Variants in USP9X observed in about 807,000 individuals in gnomAD.
USP9X encodes ubiquitin carboxyl-terminal hydrolase 9X.
USP9X carries 7 observed loss-of-function variants against 190.3 expected under a neutral mutation model. The observed-to-expected ratio is 0.04, with a 90% CI of 0.02 to 0.07. The LOEUF is 0.07. Ranked by LOEUF, USP9X falls within the 10% of genes least tolerant of loss-of-function variation. USP9X has a pLI of 1.00. For synonymous variants in USP9X, 645 were observed against 659.5 expected, an observed-to-expected ratio of 0.98 and a Z score of 0.34; for missense variants, 1,010 against 1,916.9, an observed-to-expected ratio of 0.53 and a Z score of 8.83.
chrX:41,091,661 C>G (rs193159770), intron 1 of USP9X, among the ~76,000 whole-genome samples: 29 of 111,758 alleles, frequency 2.6e-4, no homozygotes, highest in African/African-American at 9.1e-4. Flanking sequence ...ACTTTTCTTA[C>G]TAATCTCATT....
At chrX:41,222,776 C>T (rs1487271370) in intron 38 of USP9X, among the ~76,000 whole-genome samples, 1 of 110,935 alleles carries the variant, frequency 9.0e-6, no homozygotes, top group Admixed American at 9.7e-5. Flanking sequence ...ATTAGCTGGG[C>T]ATGGTACGTG....
At chrX:41,203,315 C>CA (rs2063059866) in intron 31 of USP9X, among the ~76,000 whole-genome samples, 1 of 111,797 alleles carries the variant, frequency 8.9e-6, no homozygotes, top group African/African-American at 3.2e-5. Context: ...TTGCAAAACT[C>CA]AAACTGTAGT....
intron 21 of USP9X, among the ~76,000 whole-genome samples, chrX:41,178,092 T>A (rs1230905815): frequency 1.3e-5 from 1 of 76,964 alleles, no homozygotes; most frequent in Non-Finnish European, 2.5e-5. Flanking sequence ...ATCTTTTTTT[T>A]TTTTTTTTTT....
intron 30 of USP9X, 36 bp downstream of exon 30, chrX:41,198,786 T>C: frequency 9.2e-7 from 1 of 1,089,210 alleles, no homozygotes; most frequent in East Asian, 3.2e-5. Flanking sequence ...AATTGATCAT[T>C]TCAATGTTTC....
chrX:41,098,307 ATT>A lies in USP9X; in HGVS notation c.-159+12201_-159+12202del, dbSNP rs1251537365. The stretch of plus-strand genomic sequence containing the variant: ...AGGCACACACCACCACACCTGGCTA[ATT>A]TTGTATTTTTAGTAGAGATGGAGTT... On this transcript the variant is annotated intron_variant, in intron 1 of 44. Coordinates refer to ENST00000378308, the MANE Select transcript of USP9X (RefSeq NM_001039591.3). 9.1e-3 allele frequency among the ~76,000 whole-genome samples: 996 copies of A among 108,863 alleles called. 18 individuals carry two copies. The highest frequency in any genetic ancestry group is 0.032 in the African/African-American group (961 of 29,861). 94.5% of individuals were successfully genotyped at this position (108,863 alleles called of 115,157 possible). A position where few individuals can be genotyped will look rare whatever the true frequency, so the allele number is the denominator to read the frequency against.
chrX:41,174,892 G>T (rs1245829827), intron 21 of USP9X, among the ~76,000 whole-genome samples: 5 of 111,717 alleles, frequency 4.5e-5, no homozygotes, highest in Non-Finnish European at 9.4e-5. Flanking sequence ...CTACTTGGGA[G>T]GCTGAGGCTT....
intron 1 of USP9X, among the ~76,000 whole-genome samples, chrX:41,095,925 A>G (rs923178858): frequency 3.6e-5 from 4 of 111,913 alleles, no homozygotes; most frequent in African/African-American, 9.7e-5. Context: ...AAGGAGATCA[A>G]TGGGGTGCTC....
chrX:41,157,946 T>G (rs902697006), intron 14 of USP9X, among the ~76,000 whole-genome samples: 6 of 112,171 alleles, frequency 5.3e-5, no homozygotes, highest in African/African-American at 9.7e-5. Context: ...TTATTTTTTA[T>G]TTAAAAAATC....
intron 15 of USP9X, among the ~76,000 whole-genome samples, chrX:41,163,553 A>T (rs989064451): frequency 6.4e-5 from 7 of 109,494 alleles, no homozygotes; most frequent in Non-Finnish European, 1.3e-4. Context: ...GGAGTTCAAG[A>T]CCAGCCTGGG....
chrX:41,143,540 A>G (rs888535841), intron 10 of USP9X, 97 bp downstream of exon 10: 6 of 776,328 alleles, frequency 7.7e-6, no homozygotes, highest in African/African-American at 6.5e-5. Context: ...GCAGGCTTGT[A>G]TTGTTTGACT....
intron 21 of USP9X, among the ~76,000 whole-genome samples, chrX:41,178,810 C>T (rs2062801715): frequency 8.9e-6 from 1 of 111,951 alleles, no homozygotes; most frequent in African/African-American, 3.2e-5. Context: ...AAACATTTCC[C>T]TTGTGTTTTC....
chrX:41,235,386 G>GGATT lies in USP9X; in HGVS notation c.*2863_*2866dup, dbSNP rs2063392593. ...AATTTCAAGTCTTCAAAGTGCCTAA[G>GGATT]GATTATTTAGTTCTCCCTCAACTGA... On this transcript the variant is annotated 3_prime_UTR_variant, in exon 45 of 45. Transcript: ENST00000378308. 8.9e-6 allele frequency: 1 copy of GGATT among 112,648 alleles called. No homozygotes were observed. Among genetic ancestry groups the GGATT allele is most frequent in the South Asian group, 3.6e-4 (1 of 2,778 alleles). The allele number at this position is 112,648 out of a possible 1,213,427, so 9.3% of individuals were successfully genotyped here.
intron 1 of USP9X, among the ~76,000 whole-genome samples, chrX:41,117,854 C>G (rs753268214): frequency 2.5e-3 from 275 of 108,126 alleles, no homozygotes; most frequent in Non-Finnish European, 1.9e-3. Flanking sequence ...CCACCACGCC[C>G]GGCCCTTTTT....
intron 1 of USP9X, among the ~76,000 whole-genome samples, chrX:41,121,504 A>G (rs1287220642): frequency 8.9e-6 from 1 of 111,893 alleles, no homozygotes; most frequent in Non-Finnish European, 1.9e-5. Flanking sequence ...CTTGGGTATT[A>G]ATATTACAGA....
chrX:41,135,291 C>T (rs1263905), intron 5 of USP9X, among the ~76,000 whole-genome samples: 5,679 of 110,511 alleles, frequency 0.051, 147 homozygotes, highest in Non-Finnish European at 0.076. Context: ...ATATCTCAAC[C>T]TTGGCACTTG....
rs2063010399 is a variant in USP9X, at chrX:41,198,534, A to G, written c.4387A>G (p.Ile1463Val). Residue 1463 changes from isoleucine to valine, a missense_variant, in exon 30 of 45, where the codon ATT becomes GTT. Physicochemically the swap from Ile to Val is conservative, Grantham distance 29. This residue lies in a region of USP9X where 351 missense variants were observed against 480.8 expected (regional missense o/e 0.73). Coordinates refer to ENST00000378308, the MANE Select transcript of USP9X (RefSeq NM_001039591.3). ...CCCTTTTTCAACTTTTTAGGAATTA[A>G]TTGATGATTTCATATTTCCTGCATC... is the stretch of plus-strand genomic sequence containing the variant. The part of the protein sequence containing the change: ...KGGANLIKEL[I>V]DDFIFPASNV... 3 of 1,200,007 alleles carry G rather than the reference A, an allele frequency of 2.5e-6. No homozygotes were observed. The East Asian group carries it at 8.9e-5, about 36-fold the overall frequency.
intron 37 of USP9X, among the ~76,000 whole-genome samples, 156 bp downstream of exon 37, chrX:41,218,753 A>G (rs1005734069): frequency 8.9e-6 from 1 of 112,408 alleles, no homozygotes; most frequent in African/African-American, 3.2e-5. Context: ...ATATTACTGC[A>G]TGGCAATGAA....
intron 31 of USP9X, among the ~76,000 whole-genome samples, chrX:41,202,076 T>G (rs957301703): frequency 1.8e-5 from 2 of 113,061 alleles, no homozygotes; most frequent in Non-Finnish European, 3.7e-5. Context: ...GATAATAGTT[T>G]TAAATTTTTA....
chrX:41,209,324 G>A (rs1298920619), intron 32 of USP9X, among the ~76,000 whole-genome samples: 2 of 110,908 alleles, frequency 1.8e-5, no homozygotes, highest in Non-Finnish European at 3.8e-5. Flanking sequence ...GACTTGTATC[G>A]CACTGAAATT....
Sources: allele counts gnomAD v4.1 joint callset (sites outside exome capture counted in the v4.1 genomes callset), GRCh38; gene constraint gnomAD v4.1.1; regional missense constraint gnomAD v4.1.1; transcripts MANE v1.5; gene names NCBI Gene and HGNC (gene_info 2026-07-23, HGNC 2026-07-21).